Variants in PLBD1 observed in about 807,000 individuals in gnomAD.
PLBD1 encodes the protein lysosomal leucine aminopeptidase.
A neutral mutation model predicts 63.0 loss-of-function variants in PLBD1; 60 were observed. The observed-to-expected ratio is 0.95, with a 90% confidence interval of 0.77 to 1.18. The LOEUF (loss-of-function observed/expected upper bound fraction) is 1.18, where lower values mean the gene tolerates loss of function less well. Among genes scored for constraint, PLBD1 ranks in the 50% most tolerant of loss-of-function variants. PLBD1 has a pLI of 0.00. For synonymous variants in PLBD1, 262 were observed against 248.0 expected, an observed-to-expected ratio of 1.06 and a Z score of -0.53; for missense variants, 598 against 677.9, an observed-to-expected ratio of 0.88 and a Z score of 1.31.
At chr12:14,564,068 T>C (rs1036482970) in intron 1 of PLBD1, among the ~76,000 whole-genome samples, 2 of 152,212 alleles carry the variant, frequency 1.3e-5, no homozygotes, top group Admixed American at 6.5e-5. Context: ...AGTGAGACTC[T>C]ATCTCTACAA....
intron 2 of PLBD1, among the ~76,000 whole-genome samples, chr12:14,549,106 A>G (rs1274032745): frequency 1.3e-5 from 2 of 152,228 alleles, no homozygotes; most frequent in Non-Finnish European, 2.9e-5. Flanking sequence ...CAAGGCTGCT[A>G]CCATCACACT....
In PLBD1 at chr12:14,540,978, G is replaced by GATT. The variant is rs770431085; in HGVS notation, c.420-79_420-77dup. On this transcript the variant is annotated intron_variant, in intron 3 of 10. Coordinates refer to ENST00000240617, the MANE Select transcript of PLBD1 (RefSeq NM_024829.6). ...AGCTAAATCAAAGCAGGCATTGAGA[G>GATT]ATTATATACTCAGACACTTATGCTA... 8.0e-6 allele frequency: 11 copies of GATT among 1,375,976 alleles called. No individual in the cohort carries two copies. The South Asian group carries it at 1.8e-4, about 22-fold the overall frequency. 85.2% of individuals were successfully genotyped at this position (1,375,976 alleles called of 1,614,324 possible).
At chr12:14,544,896 C>T (rs1945605360) in intron 2 of PLBD1, among the ~76,000 whole-genome samples, 1 of 151,948 alleles carries the variant, frequency 6.6e-6, no homozygotes, top group Non-Finnish European at 1.5e-5. Flanking sequence ...TTTGTTAAAC[C>T]ATTCTAAAAA....
At chr12:14,540,110 T>A (rs200654993) in intron 4 of PLBD1, among the ~76,000 whole-genome samples, 84,946 of 91,584 alleles carry the variant, frequency 0.93, 39,937 homozygotes, top group East Asian at 0.99. Flanking sequence ...TAAATATTAT[T>A]TATATATATA....
chr12:14,552,321 A>C (rs1455507233), intron 2 of PLBD1, among the ~76,000 whole-genome samples: 1 of 152,246 alleles, frequency 6.6e-6, no homozygotes, highest in Non-Finnish European at 1.5e-5. Flanking sequence ...TGATTGCATT[A>C]TTATTAATTA....
At chr12:14,520,044 G>A (rs1319199163) in intron 6 of PLBD1, among the ~76,000 whole-genome samples, 8 of 152,228 alleles carry the variant, frequency 5.3e-5, no homozygotes, top group Admixed American at 1.3e-4. Context: ...GTGCATGAAT[G>A]TGGGAAATGC....
chr12:14,518,182 G>C (rs1283390032), intron 6 of PLBD1, among the ~76,000 whole-genome samples: 1 of 152,134 alleles, frequency 6.6e-6, no homozygotes, highest in African/African-American at 2.4e-5. Flanking sequence ...TTCTGTCTCA[G>C]AAAACAAAAC....
Position 14,553,305 on chromosome 12 carries a change from TCA to T in PLBD1, c.221_222del (p.Val74GlufsTer22). On this transcript the variant is annotated frameshift_variant, in exon 2 of 11. Coordinates refer to ENST00000240617, the MANE Select transcript of PLBD1 (RefSeq NM_024829.6). LOFTEE classifies it high-confidence loss of function. ...GDAYGFYNNSVKTTGWGILEI... is the reference protein window; with the variant it reads ...GDAYGFYNNSXKTTGWGILEI... ...TCCAGGATGCCCCAGCCTGTGGTTT[TCA>T]CAGAGTTATTGTAAAAGCCATAGGC... 1 of 1,614,214 alleles carries T rather than the reference TCA, an allele frequency of 6.2e-7. No homozygotes were observed. Among genetic ancestry groups the T allele is most frequent in the South Asian group, 1.1e-5 (1 of 91,086 alleles).
At chr12:14,520,159 C>A (rs1485241214) in intron 6 of PLBD1, among the ~76,000 whole-genome samples, 1 of 152,178 alleles carries the variant, frequency 6.6e-6, no homozygotes, top group Admixed American at 6.5e-5. Context: ...CTTACACTGC[C>A]AGGGTTCCCA....
At chr12:14,537,389 T>A (rs1319756179) in intron 4 of PLBD1, among the ~76,000 whole-genome samples, 1 of 152,190 alleles carries the variant, frequency 6.6e-6, no homozygotes, top group African/African-American at 2.4e-5. Context: ...CCCTGGCCTC[T>A]ACCCACTAGG....
chr12:14,530,920 G>C (rs1400644913), intron 6 of PLBD1: 1 of 152,222 alleles, frequency 6.6e-6, no homozygotes, highest in Non-Finnish European at 1.5e-5. Context: ...CTTCTTGTTA[G>C]GGACAGAAAC....
At chr12:14,561,607 T>C (rs943105587) in intron 1 of PLBD1, among the ~76,000 whole-genome samples, 3 of 152,226 alleles carry the variant, frequency 2.0e-5, no homozygotes, top group Non-Finnish European at 4.4e-5. Flanking sequence ...AAGGCTGGAA[T>C]GCAATGGCAC....
chr12:14,539,709 C>A (rs1027685186), intron 4 of PLBD1, among the ~76,000 whole-genome samples: 1 of 150,922 alleles, frequency 6.6e-6, no homozygotes, highest in African/African-American at 2.4e-5. Context: ...TCACCTGAAC[C>A]CAGGAGGCAG....
chr12:14,511,990 A>T (rs1167689875), intron 6 of PLBD1, among the ~76,000 whole-genome samples: 1 of 152,174 alleles, frequency 6.6e-6, no homozygotes, highest in Non-Finnish European at 1.5e-5. Flanking sequence ...AGAACATTGC[A>T]AGCTTCCAGA....
intron 6 of PLBD1, among the ~76,000 whole-genome samples, chr12:14,532,151 C>A (rs1945470384): frequency 1.3e-5 from 2 of 152,174 alleles, no homozygotes; most frequent in South Asian, 4.1e-4. Context: ...ATAAGTCGAG[C>A]TGGAAGAGCT....
chr12:14,562,276 G>A (rs551261814), intron 1 of PLBD1, among the ~76,000 whole-genome samples: 32 of 152,038 alleles, frequency 2.1e-4, no homozygotes, highest in African/African-American at 7.5e-4. Context: ...TGCCCAATAT[G>A]GTGAAACTCC....
At chr12:14,555,359 G>C (rs1230725592) in intron 1 of PLBD1, among the ~76,000 whole-genome samples, 1 of 152,154 alleles carries the variant, frequency 6.6e-6, no homozygotes, top group African/African-American at 2.4e-5. Flanking sequence ...CCAACATGGA[G>C]AAACCTCGTC....
chr12:14,559,879 GA>G (rs931843952), intron 1 of PLBD1, among the ~76,000 whole-genome samples: 5 of 145,694 alleles, frequency 3.4e-5, no homozygotes, highest in Non-Finnish European at 7.5e-5. Flanking sequence ...TTTTTTTTGA[GA>G]CAGAGTTTTC....
intron 1 of PLBD1, among the ~76,000 whole-genome samples, chr12:14,560,797 T>C (rs1235807624): frequency 6.6e-6 from 1 of 152,032 alleles, no homozygotes; most frequent in Non-Finnish European, 1.5e-5. Context: ...ACAGGAGTGG[T>C]GGGCTGGGAG....
Sources: gnomAD v4.1 joint callset for allele counts (sites outside exome capture counted in the v4.1 genomes callset) on GRCh38, gnomAD v4.1.1 for gene constraint, MANE v1.5 for transcripts, NCBI Gene and HGNC (gene_info 2026-07-23, HGNC 2026-07-21) for gene names.